Variants in NUP155 observed in about 807,000 individuals in gnomAD.
The protein encoded by NUP155 is nuclear pore complex protein Nup155.
NUP155 carries 71 observed loss-of-function variants against 180.4 expected under a neutral mutation model. The observed-to-expected ratio is 0.39, with a 90% confidence interval of 0.33 to 0.48. The LOEUF (loss-of-function observed/expected upper bound fraction) is 0.48. NUP155 is among the 20% of genes least tolerant of loss of function. The pLI, the probability that NUP155 is intolerant of heterozygous loss-of-function variation, is 0.91. For missense variants in NUP155, 1,553 were observed against 1,648.9 expected, an observed-to-expected ratio of 0.94 and a Z score of 1.01; for synonymous variants, 582 against 559.5, an observed-to-expected ratio of 1.04 and a Z score of -0.57.
At chr5:37,370,092 C>T (rs1163018624) in intron 1 of NUP155, among the ~76,000 whole-genome samples, 1 of 152,170 alleles carries the variant, frequency 6.6e-6, no homozygotes, top group Admixed American at 6.5e-5. Context: ...GTTTCTTGGC[C>T]GGGTGCAGTG....
intron 22 of NUP155, among the ~76,000 whole-genome samples, chr5:37,313,846 C>CA (rs1413055087): frequency 6.6e-6 from 1 of 151,982 alleles, no homozygotes; most frequent in Non-Finnish European, 1.5e-5. Flanking sequence ...AAATTATAAG[C>CA]AAAAGTCTGT....
chr5:37,357,772 T>C (rs1270012457), intron 4 of NUP155, among the ~76,000 whole-genome samples: 1 of 151,824 alleles, frequency 6.6e-6, no homozygotes, highest in Non-Finnish European at 1.5e-5. Context: ...GGCGGGCGGA[T>C]CACCTGAGGT....
rs1161701765 is a variant in NUP155, at chr5:37,314,333, T to C, written c.2306-5A>G. 7 of 1,592,824 alleles carry C rather than the reference T, an allele frequency of 4.4e-6. No individual in the cohort carries two copies. The highest frequency in any genetic ancestry group is 6.0e-6 in the Non-Finnish European group (7 of 1,162,942). ...TCTTTTCACTTAGTTGAGCCTCTAA[T>C]GAGAAAACAAAATAAATTATTATAA... On this transcript the variant is annotated splice_polypyrimidine_tract_variant and splice_region_variant and intron_variant, in intron 21 of 34. Transcript: ENST00000231498.
Position 37,330,027 on chromosome 5 carries a change from C to G in NUP155, c.1724+11G>C, listed in dbSNP as rs752621249. The G allele has an allele frequency of 8.2e-6, 13 of 1,594,482 alleles. 1 individual carries two copies. In the South Asian group the frequency reaches 1.1e-4, roughly 14 times the overall value. On this transcript the variant is annotated intron_variant, in intron 15 of 34. Transcript: ENST00000231498. The stretch of plus-strand genomic sequence containing the variant: ...AAAACAAATAAATAAACAAGAAAAA[C>G]TTTCACATACCTAAAGAAAGCCCGA...
intron 32 of NUP155, among the ~76,000 whole-genome samples, chr5:37,297,411 C>T (rs1170505629): frequency 6.6e-6 from 1 of 152,168 alleles, no homozygotes; most frequent in Admixed American, 6.6e-5. Flanking sequence ...TGGGGTCTCA[C>T]TGTGTCACTG....
In NUP155 at chr5:37,364,352, C is replaced by T. The variant is rs775763187; in HGVS notation, c.190G>A (p.Asp64Asn). The change falls in exon 2 of 35, where the codon GAT becomes AAT. Residue 64 changes from aspartate to asparagine, a missense_variant. Transcript: ENST00000231498. ...AAACCAGGTCCTTGCAAAGGATAAT[C>T]CATATCTGACATGCCAGAAACGGTG... ...NPTVSGMSDM[D>N]YPLQGPGLLS... 1.2e-6 allele frequency: 2 copies of T among 1,611,480 alleles called. No homozygotes were observed.
chr5:37,349,986 A>C (rs1301982604), intron 7 of NUP155, among the ~76,000 whole-genome samples, 174 bp downstream of exon 7: 1 of 152,178 alleles, frequency 6.6e-6, no homozygotes, highest in Non-Finnish European at 1.5e-5. Flanking sequence ...CAAAATCCAC[A>C]CTTTCTCTAG....
At chr5:37,303,799 G>A (rs1343525875) in intron 27 of NUP155, among the ~76,000 whole-genome samples, 1 of 150,366 alleles carries the variant, frequency 6.7e-6, no homozygotes, top group Admixed American at 6.7e-5. Context: ...AAATTAGCTG[G>A]GTGTGGTGGT....
chr5:37,362,540 G>A (rs1281706899), intron 3 of NUP155, among the ~76,000 whole-genome samples: 1 of 151,930 alleles, frequency 6.6e-6, no homozygotes, highest in African/African-American at 2.4e-5. Context: ...TGCCTGCCTT[G>A]GCCTCCTAAA....
intron 14 of NUP155, 102 bp from the exon 15 acceptor site, chr5:37,330,234 G>C: frequency 1.3e-6 from 1 of 794,200 alleles, no homozygotes; most frequent in East Asian, 2.7e-5. Flanking sequence ...GCACAGAGCA[G>C]GCATTCAATA....
chr5:37,336,656 A>T (rs1745347261), intron 12 of NUP155, among the ~76,000 whole-genome samples: 1 of 152,170 alleles, frequency 6.6e-6, no homozygotes, highest in Non-Finnish European at 1.5e-5. Flanking sequence ...ATATCTTATT[A>T]AGTTCTGAAT....
rs779390384 is a variant in NUP155, at chr5:37,333,499, CAT to C, written c.1480_1481del (p.Met494ValfsTer19). 5 of 1,614,110 alleles carry C rather than the reference CAT, an allele frequency of 3.1e-6. No homozygotes were observed. Among genetic ancestry groups the C allele is most frequent in the Non-Finnish European group, 3.4e-6 (4 of 1,179,996 alleles). On this transcript the variant is annotated frameshift_variant, in exon 13 of 35. Transcript: ENST00000231498. LOFTEE classifies it high-confidence loss of function. ...TDSPVVVQQH[M>X]LPPKKFVLLS... ...GGAGAACAAATTTCTTCGGAGGTAA[CAT>C]GTGCTGCTGTACAACAACTGGTGAA...
chr5:37,351,386 T>C (rs1289457816), intron 5 of NUP155, 30 bp from the exon 6 acceptor site: 3 of 1,449,134 alleles, frequency 2.1e-6, no homozygotes, highest in African/African-American at 1.4e-5. Context: ...TAAATCAGTT[T>C]ATTAGCTACT....
Position 37,294,371 on chromosome 5 carries a change from T to C in NUP155, c.3888A>G (p.Leu1296=), listed in dbSNP as rs1045908. Residue 1296 remains leucine, a synonymous_variant, in exon 33 of 35, where the codon TTA becomes TTG. Coordinates refer to ENST00000231498, the MANE Select transcript of NUP155 (RefSeq NM_153485.3). Reference sequence around the variant, plus strand: ...GATCATAAACTTCTAGTAGTCTAGGTAATGGTACTCCAATTTCATTCATTG... The same window carrying C: ...GATCATAAACTTCTAGTAGTCTAGGCAATGGTACTCCAATTTCATTCATTG... ...IQTMNEIGVP[L]PRLLEVYDQL... 459,818 of 1,597,574 alleles carry C rather than the reference T, an allele frequency of 0.29. 68,437 individuals carry two copies. Among genetic ancestry groups the C allele is most frequent in the Middle Eastern group, 0.4 (2,390 of 6,026 alleles).
At chr5:37,354,629 TTC>T (rs1431434995) in intron 4 of NUP155, among the ~76,000 whole-genome samples, 1 of 150,876 alleles carries the variant, frequency 6.6e-6, no homozygotes. Context: ...TGGCTTATGT[TTC>T]TGTTTTTTGC....
At chr5:37,309,421 A>G in intron 23 of NUP155, 154 bp from the exon 24 acceptor site, 1 of 681,616 alleles carries the variant, frequency 1.5e-6, no homozygotes, top group Non-Finnish European at 2.4e-6. Flanking sequence ...TTTTAGGCAG[A>G]AAAGTTTTTG....
At chr5:37,321,489 C>T (rs967927463) in intron 20 of NUP155, among the ~76,000 whole-genome samples, 6 of 152,130 alleles carry the variant, frequency 3.9e-5, no homozygotes, top group Non-Finnish European at 5.9e-5. Flanking sequence ...GAGGCTGAGG[C>T]GGGCGGAGCA....
At chr5:37,366,042 T>C (rs888281602) in intron 1 of NUP155, among the ~76,000 whole-genome samples, 7 of 151,594 alleles carry the variant, frequency 4.6e-5, no homozygotes, top group African/African-American at 1.7e-4. Flanking sequence ...CTAAGACAAA[T>C]ACAAATAATA....
intron 1 of NUP155, among the ~76,000 whole-genome samples, chr5:37,366,110 C>T (rs1747570505): frequency 6.6e-6 from 1 of 152,064 alleles, no homozygotes; most frequent in Non-Finnish European, 1.5e-5. Context: ...ATAAAGTGTT[C>T]TCATGGGCAA....
Sources: allele counts gnomAD v4.1 joint callset (sites outside exome capture counted in the v4.1 genomes callset), GRCh38; gene constraint gnomAD v4.1.1; transcripts MANE v1.5; gene names NCBI Gene and HGNC (gene_info 2026-07-23, HGNC 2026-07-21).